Variants in EHBP1 observed in about 807,000 individuals in gnomAD.
The protein encoded by EHBP1 is EH domain binding protein 1, also known as EH domain-binding protein 1.
EHBP1 carries 55 observed loss-of-function variants against 144.0 expected under a neutral mutation model. The ratio of observed to expected loss-of-function variants is 0.38; its 90% CI spans 0.31 to 0.48. EHBP1 has a LOEUF of 0.48. Ranked by LOEUF, EHBP1 falls within the 20% of genes least tolerant of loss-of-function variation. The pLI is 0.98. For synonymous variants in EHBP1, 469 were observed against 472.7 expected, an observed-to-expected ratio of 0.99 and a Z score of 0.10; for missense variants, 1,200 against 1,364.2, an observed-to-expected ratio of 0.88 and a Z score of 1.90.
intron 4 of EHBP1, among the ~76,000 whole-genome samples, chr2:62,769,103 C>A (rs752422398): frequency 6.6e-6 from 1 of 152,182 alleles, no homozygotes; most frequent in Non-Finnish European, 1.5e-5. Flanking sequence ...CGGCACAAGA[C>A]AAGGATGCCC....
intron 10 of EHBP1, among the ~76,000 whole-genome samples, chr2:62,898,305 C>G (rs1348953032): frequency 6.6e-6 from 1 of 152,144 alleles, no homozygotes; most frequent in Non-Finnish European, 1.5e-5. Context: ...ATTGAATTGT[C>G]AGGCACAGTT....
At chr2:62,748,581 G>A (rs1041748144) in intron 3 of EHBP1, among the ~76,000 whole-genome samples, 4 of 151,988 alleles carry the variant, frequency 2.6e-5, no homozygotes, top group Non-Finnish European at 4.4e-5. Context: ...GATTGCTTGA[G>A]CCCAGGAGTT....
chr2:62,892,843 T>A (rs975814670), intron 10 of EHBP1, among the ~76,000 whole-genome samples: 2 of 152,126 alleles, frequency 1.3e-5, no homozygotes, highest in Non-Finnish European at 2.9e-5. Context: ...CACATCCAAA[T>A]CATTACCAAT....
intron 10 of EHBP1, among the ~76,000 whole-genome samples, chr2:62,919,050 G>A (rs184066327): frequency 6.6e-6 from 1 of 152,334 alleles, no homozygotes; most frequent in East Asian, 1.9e-4. Flanking sequence ...TTCATGGCAG[G>A]CAGTCATGTA....
chr2:62,711,418 G>T (rs1572917072), intron 2 of EHBP1, among the ~76,000 whole-genome samples: 2 of 152,176 alleles, frequency 1.3e-5, no homozygotes, highest in Non-Finnish European at 2.9e-5. Flanking sequence ...TAATTGAAGG[G>T]ATAGGGGAAC....
chr2:62,855,812 T>C (rs1401108655), intron 7 of EHBP1, among the ~76,000 whole-genome samples: 1 of 151,896 alleles, frequency 6.6e-6, no homozygotes, highest in African/African-American at 2.4e-5. Context: ...AGACAAACAG[T>C]TGCAAAGAGG....
At chr2:62,680,799 C>T (rs1413783731) in intron 1 of EHBP1, among the ~76,000 whole-genome samples, 2 of 152,084 alleles carry the variant, frequency 1.3e-5, no homozygotes, top group African/African-American at 2.4e-5. Flanking sequence ...AGTCAAGATT[C>T]GTGGGATATA....
intron 10 of EHBP1, among the ~76,000 whole-genome samples, chr2:62,907,205 C>G (rs1393779350): frequency 6.6e-6 from 1 of 152,188 alleles, no homozygotes; most frequent in Non-Finnish European, 1.5e-5. Context: ...TTCTAAGAAA[C>G]TGCCAAATGA....
chr2:63,033,970 T>C (rs2061364195), intron 19 of EHBP1, among the ~76,000 whole-genome samples: 2 of 152,110 alleles, frequency 1.3e-5, no homozygotes, highest in Non-Finnish European at 2.9e-5. Flanking sequence ...GATTATTTAA[T>C]AATTTTTACA....
At chr2:62,674,176 G>C (rs2033200997) in intron 1 of EHBP1, 1 of 470,648 alleles carries the variant, frequency 2.1e-6, no homozygotes, top group South Asian at 1.6e-5. Flanking sequence ...AATGGTCCTT[G>C]ATAACCTAGA....
At chr2:62,965,685 TG>T (rs1267083791) in intron 14 of EHBP1, among the ~76,000 whole-genome samples, 3 of 152,290 alleles carry the variant, frequency 2.0e-5, no homozygotes, top group African/African-American at 7.2e-5. Context: ...TCTTGTCAGT[TG>T]ATGTTCATGA....
intron 19 of EHBP1, among the ~76,000 whole-genome samples, chr2:63,035,496 T>C (rs2061411588): frequency 6.6e-6 from 1 of 152,116 alleles, no homozygotes; most frequent in Admixed American, 6.5e-5. Context: ...AATATTGTTA[T>C]TCTGAAGGAA....
chr2:62,951,804 T>C (rs2057408124), intron 13 of EHBP1, among the ~76,000 whole-genome samples: 1 of 152,064 alleles, frequency 6.6e-6, no homozygotes, highest in African/African-American at 2.4e-5. Context: ...GGATTACAGG[T>C]GTGAGCCACC....
In EHBP1 at chr2:62,996,886, A is replaced by C. The variant is rs2059651675; in HGVS notation, c.3103+120A>C. 5 of 1,431,580 alleles carry C rather than the reference A, an allele frequency of 3.5e-6. No homozygotes were observed. The South Asian group carries it at 6.5e-5, about 19-fold the overall frequency. 88.7% of individuals were successfully genotyped at this position (1,431,580 alleles called of 1,614,324 possible). A position where few individuals can be genotyped will look rare whatever the true frequency, so the allele number is the denominator to read the frequency against. ...TGTTCAGCAAAACTGCCTTGAAAATAAAAAGGCTGCGATTTGCAGCCACCT... is the reference window on the plus strand; with the variant it reads ...TGTTCAGCAAAACTGCCTTGAAAATCAAAAGGCTGCGATTTGCAGCCACCT... On this transcript the variant is annotated intron_variant, in intron 19 of 22. Coordinates refer to ENST00000431489, the MANE Select transcript of EHBP1 (RefSeq NM_001142616.3).
intron 14 of EHBP1, among the ~76,000 whole-genome samples, chr2:62,965,882 G>T (rs1403972177): frequency 6.6e-6 from 1 of 151,846 alleles, no homozygotes; most frequent in African/African-American, 2.4e-5. Flanking sequence ...CTCCTTCCTG[G>T]CTCTCTTTCC....
chr2:62,759,303 TG>T (rs1465949260), intron 3 of EHBP1, among the ~76,000 whole-genome samples: 1 of 152,212 alleles, frequency 6.6e-6, no homozygotes, highest in East Asian at 1.9e-4. Context: ...TGGCTGTATG[TG>T]TGTTCCTGTG....
intron 5 of EHBP1, among the ~76,000 whole-genome samples, chr2:62,788,250 T>C (rs2042944695): frequency 6.6e-6 from 1 of 152,174 alleles, no homozygotes; most frequent in African/African-American, 2.4e-5. Flanking sequence ...TCTTTCCTAT[T>C]CCAATATAAA....
chr2:62,749,724 T>TG (rs1339312076), intron 3 of EHBP1, among the ~76,000 whole-genome samples: 1 of 152,230 alleles, frequency 6.6e-6, no homozygotes, highest in African/African-American at 2.4e-5. Flanking sequence ...TGCATTTCTC[T>TG]GATGGCCAGT....
intron 4 of EHBP1, among the ~76,000 whole-genome samples, chr2:62,765,101 G>A (rs1033776673): frequency 6.6e-6 from 1 of 151,788 alleles, no homozygotes. Context: ...AGGGAGAGTA[G>A]GATATAAAAA....
Sources: gnomAD v4.1 joint callset for allele counts (sites outside exome capture counted in the v4.1 genomes callset) on GRCh38, gnomAD v4.1.1 for gene constraint, MANE v1.5 for transcripts, NCBI Gene and HGNC (gene_info 2026-07-23, HGNC 2026-07-21) for gene names.